Variants in ATRNL1 observed in about 807,000 individuals in gnomAD.
ATRNL1 encodes attractin like 1, also known as attractin-like protein 1.
ATRNL1 carries 95 observed loss-of-function variants against 182.7 expected under a neutral mutation model. That is an observed-to-expected ratio of 0.52 (90% CI 0.44 to 0.62). The LOEUF (loss-of-function observed/expected upper bound fraction) is 0.62. Ranked by LOEUF, ATRNL1 falls within the 20% of genes least tolerant of loss-of-function variation. The pLI, the probability that ATRNL1 is intolerant of heterozygous loss-of-function variation, is 0.00. For missense variants in ATRNL1, 1,471 were observed against 1,679.5 expected, an observed-to-expected ratio of 0.88 and a Z score of 2.17; for synonymous variants, 576 against 568.3, an observed-to-expected ratio of 1.01 and a Z score of -0.19.
intron 5 of ATRNL1, among the ~76,000 whole-genome samples, chr10:115,148,744 GTTT>G (rs71010009): frequency 2.6e-5 from 3 of 116,740 alleles, no homozygotes; most frequent in South Asian, 6.3e-4. Flanking sequence ...GGCCAGATGC[GTTT>G]TTTTTTTTTT....
rs782211916 is a variant in ATRNL1, at chr10:115,315,668, A to C, written c.2969A>C (p.Glu990Ala). 1 of 1,613,924 alleles carries C rather than the reference A, an allele frequency of 6.2e-7. No individual in the cohort carries two copies. The highest frequency in any genetic ancestry group is 1.3e-5 in the African/African-American group (1 of 75,008). Residue 990 changes from glutamate to alanine, a missense_variant, in exon 18 of 29, where the codon GAG (glutamate) becomes GCG (alanine). Around this residue, in one of 3 missense-constraint regions of ATRNL1, gnomAD observed 437 missense variants for 506.0 expected, o/e 0.86. Coordinates refer to ENST00000355044, the MANE Select transcript of ATRNL1 (RefSeq NM_207303.4). ...AAGCTTATTGGAATGCACCACAGTG[A>C]GATGGTTCTTGACACCAATCTTTGC... ...PMKLIGMHHS[E>A]MVLDTNLCPK...
At chr10:115,922,802 A>G (rs553944305) in intron 28 of ATRNL1, among the ~76,000 whole-genome samples, 2 of 152,348 alleles carry the variant, frequency 1.3e-5, no homozygotes, top group African/African-American at 4.8e-5. Flanking sequence ...ATATAACAAC[A>G]ATGTATAGAG....
intron 28 of ATRNL1, among the ~76,000 whole-genome samples, chr10:115,922,020 C>T (rs1481298320): frequency 1.3e-5 from 2 of 152,112 alleles, no homozygotes; most frequent in Non-Finnish European, 2.9e-5. Context: ...TGAAGGATAG[C>T]TCAGCCATTG....
At chr10:115,747,171 CT>C (rs1948316235) in intron 27 of ATRNL1, among the ~76,000 whole-genome samples, 1 of 152,048 alleles carries the variant, frequency 6.6e-6, no homozygotes, top group Non-Finnish European at 1.5e-5. Flanking sequence ...AGCCTGCAGC[CT>C]TTTCTTATTG....
chr10:115,839,144 G>A (rs1589585875), intron 27 of ATRNL1, among the ~76,000 whole-genome samples: 1 of 152,102 alleles, frequency 6.6e-6, no homozygotes, highest in Non-Finnish European at 1.5e-5. Flanking sequence ...TTTTATGATT[G>A]AAGTTTCAGG....
intron 8 of ATRNL1, among the ~76,000 whole-genome samples, chr10:115,203,887 G>A (rs1013765114): frequency 6.6e-5 from 10 of 150,954 alleles, no homozygotes; most frequent in East Asian, 5.9e-4. Context: ...ATGAGCCACC[G>A]CACCTGGCCT....
chr10:115,363,493 C>A (rs1856857954), intron 19 of ATRNL1, among the ~76,000 whole-genome samples: 1 of 145,968 alleles, frequency 6.9e-6, no homozygotes, highest in South Asian at 2.3e-4. Context: ...ATGGTAGTTT[C>A]TTTTGCTGTG....
intron 28 of ATRNL1, among the ~76,000 whole-genome samples, chr10:115,892,672 G>C (rs111814243): frequency 6.6e-6 from 1 of 152,102 alleles, no homozygotes; most frequent in African/African-American, 2.4e-5. Flanking sequence ...TTAAGTCATA[G>C]CACTGCATAC....
At chr10:115,698,579 A>T (rs1297308723) in intron 26 of ATRNL1, among the ~76,000 whole-genome samples, 1 of 152,152 alleles carries the variant, frequency 6.6e-6, no homozygotes, top group Non-Finnish European at 1.5e-5. Context: ...AGAGATCCAG[A>T]CCATCCTGAC....
intron 26 of ATRNL1, among the ~76,000 whole-genome samples, chr10:115,622,054 A>G (rs1857801570): frequency 6.6e-6 from 1 of 152,184 alleles, no homozygotes; most frequent in East Asian, 1.9e-4. Context: ...ACTGTTCTTA[A>G]GAATTACTGC....
intron 8 of ATRNL1, among the ~76,000 whole-genome samples, chr10:115,188,102 GGA>G (rs199981589): frequency 1.2e-4 from 18 of 151,176 alleles, no homozygotes; most frequent in Non-Finnish European, 2.5e-4. Flanking sequence ...GGAGAGGAAG[GGA>G]GAGAGAGAGG....
chr10:115,324,282 T>G (rs1291202970), intron 18 of ATRNL1, among the ~76,000 whole-genome samples: 1 of 152,210 alleles, frequency 6.6e-6, no homozygotes, highest in Non-Finnish European at 1.5e-5. Context: ...TTTATCAAAA[T>G]ACAACTCTAC....
At chr10:115,164,732 A>C (rs1846959573) in intron 6 of ATRNL1, among the ~76,000 whole-genome samples, 1 of 152,156 alleles carries the variant, frequency 6.6e-6, no homozygotes, top group Non-Finnish European at 1.5e-5. Context: ...CAGAGAGACA[A>C]ATATTGCATG....
chr10:115,506,444 A>G (rs1442424160), intron 24 of ATRNL1, among the ~76,000 whole-genome samples: 1 of 152,102 alleles, frequency 6.6e-6, no homozygotes. Flanking sequence ...CTTAGCCAAG[A>G]CAAAACCCCA....
Position 115,543,999 on chromosome 10 carries a change from A to AT in ATRNL1, c.3717-5450dup, listed in dbSNP as rs200871692. ...TTTTGATATTATTATCGTACAGCAT[A>AT]TTTTTTTTTGAAAAAGAAAGCCCAA... On this transcript the variant is annotated intron_variant, in intron 25 of 28. Coordinates refer to ENST00000355044, the MANE Select transcript of ATRNL1 (RefSeq NM_207303.4). 3.4e-4 allele frequency among the ~76,000 whole-genome samples: 52 copies of AT among 150,896 alleles called. 1 individual carries two copies. The highest frequency in any genetic ancestry group is 1.9e-3 in the East Asian group (10 of 5,138).
chr10:115,767,890 T>C (rs1002418300), intron 27 of ATRNL1, among the ~76,000 whole-genome samples: 1 of 152,140 alleles, frequency 6.6e-6, no homozygotes, highest in Non-Finnish European at 1.5e-5. Context: ...AGGATCATGA[T>C]TGGGGATTCT....
intron 26 of ATRNL1, among the ~76,000 whole-genome samples, chr10:115,655,144 G>A (rs1004289597): frequency 3.9e-5 from 6 of 152,040 alleles, no homozygotes; most frequent in African/African-American, 1.2e-4. Context: ...TTTCCTCAGC[G>A]GCCACAACAT....
chr10:115,194,461 G>GT (rs1554890563), intron 8 of ATRNL1, among the ~76,000 whole-genome samples: 1 of 151,642 alleles, frequency 6.6e-6, no homozygotes, highest in African/African-American at 2.4e-5. Context: ...TCTTTTTGCA[G>GT]TTTTTTTCTC....
chr10:115,589,365 A>G (rs1356308708), intron 26 of ATRNL1, among the ~76,000 whole-genome samples: 1 of 152,174 alleles, frequency 6.6e-6, no homozygotes, highest in African/African-American at 2.4e-5. Context: ...CTATATCAGT[A>G]TGGAAAATAT....
Sources: allele counts gnomAD v4.1 joint callset (sites outside exome capture counted in the v4.1 genomes callset), GRCh38; gene constraint gnomAD v4.1.1; regional missense constraint gnomAD v4.1.1; transcripts MANE v1.5; gene names NCBI Gene and HGNC (gene_info 2026-07-23, HGNC 2026-07-21).